The following SPHKAP variants were observed in gnomAD, a reference collection of about 807,000 sequenced individuals.
SPHKAP encodes the protein SPHK1 interactor, AKAP domain containing, also known as A-kinase anchor protein SPHKAP.
Under a neutral mutation model 137.5 loss-of-function variants are expected in SPHKAP, and 67 were observed. The ratio of observed to expected loss-of-function variants is 0.49; its 90% CI spans 0.40 to 0.60. The LOEUF is 0.60. SPHKAP is among the 20% of genes least tolerant of loss of function. The pLI is 0.00. For missense variants in SPHKAP, 2,097 were observed against 2,069.3 expected, an observed-to-expected ratio of 1.01 and a Z score of -0.26; for synonymous variants, 813 against 785.3, an observed-to-expected ratio of 1.04 and a Z score of -0.59.
At chr2:228,178,247 G>T (rs1431381925) in intron 1 of SPHKAP, among the ~76,000 whole-genome samples, 1 of 152,092 alleles carries the variant, frequency 6.6e-6, no homozygotes, top group African/African-American at 2.4e-5. Flanking sequence ...GGATGACCTA[G>T]CTCTGCTACA....
In SPHKAP at chr2:228,180,911, C is replaced by T. The variant is rs148194520; in HGVS notation, c.32+656G>A. On this transcript the variant is annotated intron_variant, in intron 1 of 11. Coordinates refer to ENST00000392056, the MANE Select transcript of SPHKAP (RefSeq NM_001142644.2). ...TCGCACCCGGCAGCGCCTGGGGTGG[C>T]GTCCGTGACCTACCCCGGTGTGGGG... 2.5e-4 allele frequency among the ~76,000 whole-genome samples: 38 copies of T among 152,274 alleles called. No homozygotes were observed. The East Asian group carries it at 5.8e-3, about 23-fold the overall frequency.
At chr2:228,086,543 C>T (rs1156905247) in intron 3 of SPHKAP, among the ~76,000 whole-genome samples, 1 of 152,050 alleles carries the variant, frequency 6.6e-6, no homozygotes, top group Non-Finnish European at 1.5e-5. Flanking sequence ...CATATAGGTC[C>T]TACCGATAAG....
intron 2 of SPHKAP, chr2:228,109,489 G>T: frequency 1.8e-6 from 1 of 570,346 alleles, no homozygotes; most frequent in Non-Finnish European, 2.2e-6. Context: ...AATACCATTT[G>T]CCATTTAGAA....
intron 3 of SPHKAP, among the ~76,000 whole-genome samples, chr2:228,093,818 C>T (rs1460567820): frequency 2.2e-5 from 3 of 134,578 alleles, no homozygotes; most frequent in Non-Finnish European, 4.6e-5. Context: ...CGAGATCACT[C>T]CATTGCACTC....
At chr2:228,039,640 A>G (rs1695764400) in intron 3 of SPHKAP, among the ~76,000 whole-genome samples, 1 of 152,222 alleles carries the variant, frequency 6.6e-6, no homozygotes, top group Non-Finnish European at 1.5e-5. Flanking sequence ...TCTAGTATTC[A>G]ATACAAAACA....
In SPHKAP at chr2:228,129,905, T is replaced by C. The variant is rs1052304690; in HGVS notation, c.138+2075A>G. Among the ~76,000 whole-genome samples, 4 of 151,626 alleles carry C rather than the reference T, an allele frequency of 2.6e-5. No homozygotes were observed. In the South Asian group the frequency reaches 8.3e-4, roughly 32 times the overall value. ...TCCACCTCCCAGGTTCAAGCAATTC[T>C]CTTGTCTCAACCGCCCGAGTAGCTG... On this transcript the variant is annotated intron_variant, in intron 2 of 11. Coordinates refer to ENST00000392056, the MANE Select transcript of SPHKAP (RefSeq NM_001142644.2).
chr2:227,982,166 C>A, intron 11 of SPHKAP: 2 of 976,848 alleles, frequency 2.0e-6, no homozygotes, highest in Non-Finnish European at 2.4e-6. Context: ...TTAGTGTTTT[C>A]TTGGGTCTGC....
chr2:228,154,081 G>A (rs1272577148), intron 1 of SPHKAP, among the ~76,000 whole-genome samples: 2 of 152,052 alleles, frequency 1.3e-5, no homozygotes, highest in African/African-American at 4.8e-5. Context: ...ATTTTAGAAT[G>A]AGATGCAAAA....
At chr2:228,059,979 C>T (rs1435769397) in intron 3 of SPHKAP, among the ~76,000 whole-genome samples, 6 of 152,146 alleles carry the variant, frequency 3.9e-5, no homozygotes, top group Non-Finnish European at 8.8e-5. Flanking sequence ...TACTTACACA[C>T]AGATGAGGAC....
chr2:228,048,096 C>T (rs1444814596), intron 3 of SPHKAP, among the ~76,000 whole-genome samples: 1 of 152,054 alleles, frequency 6.6e-6, no homozygotes, highest in Non-Finnish European at 1.5e-5. Context: ...CTTATTTTTG[C>T]CTAATTGTCC....
chr2:228,059,435 A>G (rs530659463), intron 3 of SPHKAP, among the ~76,000 whole-genome samples: 1 of 152,192 alleles, frequency 6.6e-6, no homozygotes, highest in Non-Finnish European at 1.5e-5. Flanking sequence ...ATCAATTTCT[A>G]CAAGTAGTGA....
At chr2:228,118,932 A>G (rs995864001) in intron 2 of SPHKAP, among the ~76,000 whole-genome samples, 2 of 152,208 alleles carry the variant, frequency 1.3e-5, no homozygotes, top group Non-Finnish European at 2.9e-5. Context: ...TCATAATCAC[A>G]TAAATTATAA....
chr2:228,016,966 A>G lies in SPHKAP; in HGVS notation c.3888T>C (p.Gly1296=), dbSNP rs569278650. Residue 1296 remains glycine, a synonymous_variant, in exon 7 of 12, where the codon GGT becomes GGC. Transcript: ENST00000392056. ...ACATGTTGGTGATGTGGTCAGTCCCACCTCTCCGATACAAGCAAGAGTCAG... is the reference window on the plus strand; with the variant it reads ...ACATGTTGGTGATGTGGTCAGTCCCGCCTCTCCGATACAAGCAAGAGTCAG... ...CKSDSCLYRR[G]GTDHITNMLI... 4.3e-6 allele frequency: 7 copies of G among 1,614,054 alleles called. No homozygotes were observed. The African/African-American group carries it at 8.0e-5, about 18-fold the overall frequency.
At chr2:228,008,007 T>C (rs1293104567) in intron 7 of SPHKAP, among the ~76,000 whole-genome samples, 1 of 152,158 alleles carries the variant, frequency 6.6e-6, no homozygotes, top group African/African-American at 2.4e-5. Flanking sequence ...GATTTAAAAA[T>C]GAGTTTTTAA....
At chr2:228,034,227 T>C (rs1419427519) in intron 3 of SPHKAP, among the ~76,000 whole-genome samples, 2 of 152,118 alleles carry the variant, frequency 1.3e-5, no homozygotes, top group African/African-American at 2.4e-5. Flanking sequence ...AAATACAAAC[T>C]ACCATCAGAG....
chr2:228,021,774 C>T lies in SPHKAP; in HGVS notation c.634G>A (p.Glu212Lys). ...TGCTCAGAAGCGGTGAGAAAGTCTTCCTCGATTGAAGATAAGGAACAGTTC... is the reference window on the plus strand; with the variant it reads ...TGCTCAGAAGCGGTGAGAAAGTCTTTCTCGATTGAAGATAAGGAACAGTTC... ...DTNCSLSSIE[E>K]DFLTASEHLE... The change falls in exon 6 of 12, where the codon GAA (glutamate) becomes AAA (lysine). Residue 212 changes from glutamate to lysine, a missense_variant. Coordinates refer to ENST00000392056, the MANE Select transcript of SPHKAP (RefSeq NM_001142644.2). 6.2e-7 allele frequency: 1 copy of T among 1,614,166 alleles called. No individual in the cohort carries two copies. The highest frequency in any genetic ancestry group is 8.5e-7 in the Non-Finnish European group (1 of 1,179,996).
chr2:227,988,804 C>CT (rs1371202193), intron 11 of SPHKAP, among the ~76,000 whole-genome samples: 2 of 152,208 alleles, frequency 1.3e-5, no homozygotes, highest in South Asian at 2.1e-4. Flanking sequence ...CATGATTATG[C>CT]TTTTTTATTG....
chr2:228,107,825 C>T (rs1199199832), intron 3 of SPHKAP, among the ~76,000 whole-genome samples: 3 of 152,168 alleles, frequency 2.0e-5, no homozygotes, highest in East Asian at 1.9e-4. Flanking sequence ...TCCTAGCCAG[C>T]AACTAATTTT....
intron 3 of SPHKAP, among the ~76,000 whole-genome samples, chr2:228,066,878 G>A (rs530378454): frequency 2.0e-5 from 3 of 152,150 alleles, no homozygotes; most frequent in South Asian, 4.1e-4. Context: ...GTAAATGGAA[G>A]GGTAATACTT....
Sources: allele counts gnomAD v4.1 joint callset (sites outside exome capture counted in the v4.1 genomes callset), GRCh38; gene constraint gnomAD v4.1.1; transcripts MANE v1.5; gene names NCBI Gene and HGNC (gene_info 2026-07-23, HGNC 2026-07-21).